TPPP: variants seen among roughly 807,000 people sequenced by gnomAD.
The protein encoded by TPPP is tubulin polymerization promoting protein, also known as tubulin polymerization-promoting protein.
Under a neutral mutation model 15.5 loss-of-function variants are expected in TPPP, and 6 were observed. That is an observed-to-expected ratio of 0.39 (90% CI 0.21 to 0.77). The LOEUF (loss-of-function observed/expected upper bound fraction) is 0.77. TPPP is among the 30% of genes least tolerant of loss of function. TPPP has a pLI of 0.42. For synonymous variants in TPPP, 146 were observed against 133.9 expected (o/e 1.09, Z -0.63); for missense variants, 269 against 307.2 (o/e 0.88, Z 0.93).
At chr5:693,379 C>CCCGCCCAGCA (rs1214098839), upstream of TPPP, 1 of 145,354 alleles carries the variant, frequency 6.9e-6, no homozygotes, top group Admixed American at 6.8e-5. Flanking sequence ...GCCCGCCCGT[C>CCCGCCCAGCA]CCGCCCAGCA....
In TPPP at chr5:663,139, C is replaced by G. The variant is rs1023031880; in HGVS notation, c.*1963G>C. On this transcript the variant is annotated 3_prime_UTR_variant, in exon 4 of 4. Transcript: ENST00000360578. ...TCTGTGATCGGGCGATTCCGGTGAC[C>G]GCTCGTCTGTGATCGGGTGAGTCCG... 8.9e-6 allele frequency: 1 copy of G among 112,246 alleles called. No homozygotes were observed. Among genetic ancestry groups the G allele is most frequent in the African/African-American group, 3.0e-5 (1 of 33,074 alleles). The allele number at this position is 112,246 out of a possible 1,614,324, so 7.0% of individuals were successfully genotyped here.
chr5:687,070 C>T (rs1203720849), intron 1 of TPPP, among the ~76,000 whole-genome samples: 4 of 128,120 alleles, frequency 3.1e-5, no homozygotes, highest in Non-Finnish European at 5.4e-5. Flanking sequence ...CGGACTAACA[C>T]AGTCGCCATG....
chr5:660,084 ATCAGCAGAAGTGGCTTTCAGAG>A lies in TPPP; in HGVS notation c.*4996_*5017del, dbSNP rs1347747275. The A allele has an allele frequency of 6.6e-6, 1 of 152,288 alleles. No individual in the cohort carries two copies. Among genetic ancestry groups the A allele is most frequent in the African/African-American group, 2.4e-5 (1 of 41,444 alleles). 9.4% of individuals were successfully genotyped at this position (152,288 alleles called of 1,614,324 possible). A position where few individuals can be genotyped will look rare whatever the true frequency, so the allele number is the denominator to read the frequency against. ...CGTCCGCGGTGAGTGCGGTTTAGAC[ATCAGCAGAAGTGGCTTTCAGAG>A]TCAGAACAGCCATGACGTGGACATC... On this transcript the variant is annotated 3_prime_UTR_variant, in exon 4 of 4. Coordinates refer to ENST00000360578, the MANE Select transcript of TPPP (RefSeq NM_007030.3).
At chr5:675,190 T>C (rs1243146984) in intron 2 of TPPP, among the ~76,000 whole-genome samples, 1 of 40,304 alleles carries the variant, frequency 2.5e-5, no homozygotes, top group African/African-American at 1.2e-4. Flanking sequence ...GAGGGTACGG[T>C]GTGGCCAGGG....
At chr5:670,939 T>A (rs1740199283) in intron 2 of TPPP, among the ~76,000 whole-genome samples, 1 of 152,192 alleles carries the variant, frequency 6.6e-6, no homozygotes, top group South Asian at 2.1e-4. Flanking sequence ...ACCGGAGCCC[T>A]TCCTGCACCC....
At chr5:698,203 C>T (rs1457776765), upstream of TPPP, among the ~76,000 whole-genome samples, 1 of 151,784 alleles carries the variant, frequency 6.6e-6, no homozygotes, top group African/African-American at 2.4e-5. Flanking sequence ...CCACAGCCAA[C>T]ATCAGAATTA....
the TPPP span, among the ~76,000 whole-genome samples, chr5:699,219 A>G: frequency 6.6e-6 from 1 of 152,124 alleles, no homozygotes; most frequent in African/African-American, 2.4e-5. Context: ...CAGGCATCAC[A>G]TTACCTGACT....
At chr5:666,318 C>T (rs1281002197) in intron 2 of TPPP, among the ~76,000 whole-genome samples, 195 bp from the exon 3 acceptor site, 2 of 152,226 alleles carry the variant, frequency 1.3e-5, no homozygotes, top group Non-Finnish European at 2.9e-5. Flanking sequence ...CTCTATAAAG[C>T]TGGATGCTCA....
chr5:668,158 CCGACAAGCACA>C (rs1740013886), intron 2 of TPPP, among the ~76,000 whole-genome samples: 1 of 135,866 alleles, frequency 7.4e-6, no homozygotes, highest in Non-Finnish European at 1.6e-5. Context: ...CAGGGAAGTA[CCGACAAGCACA>C]CGGAGAGGGG....
At chr5:685,249 A>G (rs1740735545) in intron 1 of TPPP, among the ~76,000 whole-genome samples, 1 of 152,226 alleles carries the variant, frequency 6.6e-6, no homozygotes, top group Non-Finnish European at 1.5e-5. Flanking sequence ...AGAAGACCTG[A>G]GGTCGGGCTC....
At chr5:675,482 A>AGTGTGGCCG in intron 2 of TPPP, among the ~76,000 whole-genome samples, 1 of 91,136 alleles carries the variant, frequency 1.1e-5, no homozygotes, top group East Asian at 3.2e-4. Flanking sequence ...CAGTGTGGCC[A>AGTGTGGCCG]GGGGTACATT....
intron 2 of TPPP, among the ~76,000 whole-genome samples, chr5:672,863 GC>G (rs1260707576): frequency 6.6e-6 from 1 of 152,238 alleles, no homozygotes; most frequent in African/African-American, 2.4e-5. Context: ...GCGTAAGGCT[GC>G]AAGAAATTTG....
chr5:661,911 G>A lies in TPPP; in HGVS notation c.*3191C>T, dbSNP rs1213032104. 1.3e-5 allele frequency: 2 copies of A among 152,396 alleles called. No individual in the cohort carries two copies. The highest frequency in any genetic ancestry group is 2.9e-5 in the Non-Finnish European group (2 of 68,090). 9.4% of individuals were successfully genotyped at this position (152,396 alleles called of 1,614,324 possible). A position where few individuals can be genotyped will look rare whatever the true frequency, so the allele number is the denominator to read the frequency against. On this transcript the variant is annotated 3_prime_UTR_variant, in exon 4 of 4. Coordinates refer to ENST00000360578, the MANE Select transcript of TPPP (RefSeq NM_007030.3). ...GAGAAAAGCCTGAGGGCCGCTGGGGGAGGGCGTGCCTCTAACTCGTGGGCA... is the reference window on the plus strand; with the variant it reads ...GAGAAAAGCCTGAGGGCCGCTGGGGAAGGGCGTGCCTCTAACTCGTGGGCA...
At chr5:695,674 G>C (rs893542406), upstream of TPPP, among the ~76,000 whole-genome samples, 8 of 151,768 alleles carry the variant, frequency 5.3e-5, no homozygotes, top group Non-Finnish European at 1.2e-4. Context: ...CTGTCCTCAC[G>C]GGGCCTCCTC....
chr5:669,465 G>T (rs1740110351), intron 2 of TPPP, among the ~76,000 whole-genome samples: 1 of 152,176 alleles, frequency 6.6e-6, no homozygotes, highest in Non-Finnish European at 1.5e-5. Flanking sequence ...CCCTGTGGGG[G>T]TGTTGACTCT....
intron 2 of TPPP, among the ~76,000 whole-genome samples, chr5:669,625 G>A (rs191213010): frequency 9.2e-5 from 14 of 152,260 alleles, no homozygotes; most frequent in Middle Eastern, 3.4e-3. Context: ...TGACGGCCTC[G>A]GAGCCAGGCA....
intron 2 of TPPP, among the ~76,000 whole-genome samples, chr5:670,514 G>C (rs868321471): frequency 1.3e-5 from 2 of 152,098 alleles, no homozygotes; most frequent in African/African-American, 4.8e-5. Flanking sequence ...ATTAGCCCCT[G>C]AGACCTGAGG....
At chr5:694,309 G>A (rs1487535325), upstream of TPPP, among the ~76,000 whole-genome samples, 19 of 148,248 alleles carry the variant, frequency 1.3e-4, no homozygotes, top group Non-Finnish European at 2.7e-4. Flanking sequence ...AGGGGCACCT[G>A]CCCTGGAGGA....
chr5:668,000 C>T lies in TPPP; in HGVS notation c.312-1877G>A, dbSNP rs1201547214. Reference sequence around the variant, plus strand: ...CACAGAGAGGGGGCCGTGTGGGCGCCGTCAGGGAAGTACCGACAAGCACAC... The same window carrying T: ...CACAGAGAGGGGGCCGTGTGGGCGCTGTCAGGGAAGTACCGACAAGCACAC... On this transcript the variant is annotated intron_variant, in intron 2 of 3. Coordinates refer to ENST00000360578, the MANE Select transcript of TPPP (RefSeq NM_007030.3). Among the ~76,000 whole-genome samples the T allele has an allele frequency of 6.3e-5, 3 of 47,642 alleles. 1 individual carries two copies. Among genetic ancestry groups the T allele is most frequent in the Non-Finnish European group, 1.0e-4 (3 of 30,056 alleles). 31.3% of individuals were successfully genotyped at this position (47,642 alleles called of 152,430 possible). A position where few individuals can be genotyped will look rare whatever the true frequency, so the allele number is the denominator to read the frequency against.
Sources: gnomAD v4.1 joint callset for allele counts (sites outside exome capture counted in the v4.1 genomes callset) on GRCh38, gnomAD v4.1.1 for gene constraint, MANE v1.5 for transcripts, NCBI Gene and HGNC (gene_info 2026-07-23, HGNC 2026-07-21) for gene names.